POC1B: variants seen among roughly 807,000 people sequenced by gnomAD.
POC1B encodes the protein POC1 centriolar protein B.
In POC1B, 44 loss-of-function variants were observed where a neutral mutation model predicts 60.6. The observed-to-expected ratio is 0.73, with a 90% CI of 0.57 to 0.93. The LOEUF (loss-of-function observed/expected upper bound fraction) is 0.93. POC1B is among the 40% of genes least tolerant of loss of function. POC1B has a pLI of 0.00. For synonymous variants in POC1B, 180 were observed against 198.9 expected, an observed-to-expected ratio of 0.90 and a Z score of 0.80; for missense variants, 555 against 572.3, an observed-to-expected ratio of 0.97 and a Z score of 0.31.
At chr12:89,521,536 A>C (rs2135774966) in intron 2 of POC1B, 1 of 154,244 alleles carries the variant, frequency 6.5e-6, no homozygotes, top group African/African-American at 2.4e-5. Flanking sequence ...TTGCACAGTG[A>C]GTCAATCTGG....
chr12:89,457,470 A>T (rs1882305944), intron 10 of POC1B, among the ~76,000 whole-genome samples: 1 of 152,256 alleles, frequency 6.6e-6, no homozygotes, highest in Non-Finnish European at 1.5e-5. Flanking sequence ...ATGTCTTCAG[A>T]ATGCACTATT....
At chr12:89,419,044 TGAA>T (rs1218102839), downstream of POC1B, among the ~76,000 whole-genome samples, 9 of 151,870 alleles carry the variant, frequency 5.9e-5, no homozygotes, top group Non-Finnish European at 1.5e-5. Context: ...CTGTGGGGTG[TGAA>T]GAAGAATCAA....
the POC1B span, among the ~76,000 whole-genome samples, chr12:89,402,468 C>G: frequency 6.6e-6 from 1 of 151,952 alleles, no homozygotes; most frequent in South Asian, 2.1e-4. Context: ...TTTTGTTACC[C>G]AGGTATTAAG....
chr12:89,401,531 T>C, the POC1B span, among the ~76,000 whole-genome samples: 1 of 152,068 alleles, frequency 6.6e-6, no homozygotes, highest in East Asian at 1.9e-4. Flanking sequence ...TTTTTCTTCT[T>C]CTTTAGACTC....
intron 9 of POC1B, chr12:89,461,600 G>A (rs1303320776): frequency 1.3e-5 from 2 of 152,210 alleles, no homozygotes; most frequent in Non-Finnish European, 2.9e-5. Flanking sequence ...AAGAGGAGTG[G>A]AATAATTTTT....
intron 4 of POC1B, among the ~76,000 whole-genome samples, 200 bp downstream of exon 4, chr12:89,491,736 G>A (rs1005485863): frequency 2.6e-5 from 4 of 151,044 alleles, no homozygotes; most frequent in Admixed American, 6.6e-5. Context: ...TTTCCTACTT[G>A]TTTGTCTGTC....
chr12:89,459,610 CA>C lies in POC1B; in HGVS notation c.1113+27del, dbSNP rs35166321. The C allele has an allele frequency of 0.058, 50,214 of 870,074 alleles. 25 individuals carry two copies. The highest frequency in any genetic ancestry group is 0.095 in the South Asian group (3,367 of 35,366). 53.9% of individuals were successfully genotyped at this position (870,074 alleles called of 1,614,324 possible). On this transcript the variant is annotated intron_variant, in intron 10 of 11. Transcript: ENST00000313546. ...AAATGATTAAATGCCACTTAAGTGT[CA>C]AAAAAAAAAAAAAAAACCCGACTTA...
chr12:89,502,528 A>C, intron 2 of POC1B: 1 of 1,105,488 alleles, frequency 9.0e-7, no homozygotes, highest in Non-Finnish European at 1.4e-6. Flanking sequence ...ACGATGAAAG[A>C]AAGACTAGCT....
chr12:89,444,485 A>G (rs954322576), intron 10 of POC1B, among the ~76,000 whole-genome samples: 1 of 152,230 alleles, frequency 6.6e-6, no homozygotes, highest in Admixed American at 6.5e-5. Context: ...CAGCATATAA[A>G]CAGAACCAAA....
At position 89,497,164 on chromosome 12, in the gene POC1B, C is replaced by T. The variant is rs375051104; in HGVS notation, c.272+7G>A. ...AAGGATATCAAGTGTTTCTTTGTTT[C>T]TCTTACTTATCAGGAATCCAGAGTC... On this transcript the variant is annotated splice_region_variant and intron_variant, in intron 3 of 11. Coordinates refer to ENST00000313546, the MANE Select transcript of POC1B (RefSeq NM_172240.3). The T allele has an allele frequency of 1.2e-6, 2 of 1,610,166 alleles. No individual in the cohort carries two copies. Among genetic ancestry groups the T allele is most frequent in the Admixed American group, 1.7e-5 (1 of 59,290 alleles).
At chr12:89,523,335 A>G in intron 2 of POC1B, 1 of 1,614,044 alleles carries the variant, frequency 6.2e-7, no homozygotes, top group Non-Finnish European at 8.5e-7. Context: ...TATCACCATA[A>G]GCTTCTTTTC....
At chr12:89,525,086 C>T (rs779332377) in intron 2 of POC1B, 34 bp downstream of exon 2, 3 of 1,613,572 alleles carry the variant, frequency 1.9e-6, no homozygotes, top group African/African-American at 1.3e-5. Context: ...GGAGTTTAGT[C>T]TCATTACAAA....
At chr12:89,417,961 TA>T (rs1209576547), downstream of POC1B, among the ~76,000 whole-genome samples, 2 of 152,196 alleles carry the variant, frequency 1.3e-5, no homozygotes, top group Non-Finnish European at 2.9e-5. Context: ...ATTCACACAA[TA>T]TACGCTGTGT....
intron 4 of POC1B, among the ~76,000 whole-genome samples, chr12:89,478,570 A>T (rs190384443): frequency 5.3e-5 from 8 of 149,920 alleles, no homozygotes; most frequent in Non-Finnish European, 8.9e-5. Flanking sequence ...TTAGGAAATT[A>T]AAAAAAAAAG....
chr12:89,476,697 A>AATAGATAGATAGATAG (rs754459068), intron 4 of POC1B, among the ~76,000 whole-genome samples: 52 of 139,974 alleles, frequency 3.7e-4, no homozygotes, highest in East Asian at 1.7e-3. Flanking sequence ...AGACTGTCTC[A>AATAGATAGATAGATAG]ATAGATAGAT....
the POC1B span, among the ~76,000 whole-genome samples, chr12:89,404,553 G>C: frequency 6.6e-6 from 1 of 152,188 alleles, no homozygotes; most frequent in Non-Finnish European, 1.5e-5. Flanking sequence ...TGGAGGTACA[G>C]TATAATAACC....
chr12:89,428,026 G>A lies in POC1B; in HGVS notation c.1114-2647C>T, dbSNP rs573382277. On this transcript the variant is annotated intron_variant, in intron 10 of 11. Coordinates refer to ENST00000313546, the MANE Select transcript of POC1B (RefSeq NM_172240.3). ...CAGCAAGGACTAAAATGGGAGCACT[G>A]TAGAGGTGAGTATGGAAATACAAAG... 2.6e-5 allele frequency: 4 copies of A among 152,346 alleles called. No homozygotes were observed. In the East Asian group the frequency reaches 7.7e-4, roughly 29 times the overall value. The allele number at this position is 152,346 out of a possible 1,614,324, so 9.4% of individuals were successfully genotyped here. A position where few individuals can be genotyped will look rare whatever the true frequency, so the allele number is the denominator to read the frequency against.
chr12:89,523,098 T>C (rs1426542675), intron 2 of POC1B: 2 of 1,613,834 alleles, frequency 1.2e-6, no homozygotes, highest in African/African-American at 2.7e-5. Flanking sequence ...ATTCAAAGAA[T>C]TGATTGCCTC....
At position 89,471,671 on chromosome 12, in the gene POC1B, C is replaced by G; in HGVS notation, c.619G>C (p.Asp207His). Reference protein sequence around the residue: ...SGTCIASAGSDQTVKVWDVRV... With the variant: ...SGTCIASAGSHQTVKVWDVRV... ...ACATCCCAGACTTTCACAGTTTGAT[C>G]AGAACCTGCTGAAGCTATGCATGTA... Residue 207 changes from aspartate to histidine, a missense_variant, in exon 6 of 12, where the codon GAT becomes CAT. Coordinates refer to ENST00000313546, the MANE Select transcript of POC1B (RefSeq NM_172240.3). The G allele has an allele frequency of 6.2e-7, 1 of 1,611,500 alleles. No homozygotes were observed. Among genetic ancestry groups the G allele is most frequent in the Non-Finnish European group, 8.5e-7 (1 of 1,178,832 alleles).
Sources: allele counts gnomAD v4.1 joint callset (sites outside exome capture counted in the v4.1 genomes callset), GRCh38; gene constraint gnomAD v4.1.1; transcripts MANE v1.5; gene names NCBI Gene and HGNC (gene_info 2026-07-23, HGNC 2026-07-21).